Variants in IZUMO1R observed in about 807,000 individuals in gnomAD.
The protein encoded by IZUMO1R is sperm-egg fusion protein Juno.
Under a neutral mutation model 22.1 loss-of-function variants are expected in IZUMO1R, and 24 were observed. The ratio of observed to expected loss-of-function variants is 1.09; its 90% CI spans 0.79 to 1.53. The LOEUF (loss-of-function observed/expected upper bound fraction) is 1.53, where lower values mean the gene tolerates loss of function less well. Ranked by LOEUF, IZUMO1R falls within the 40% of genes most tolerant of loss-of-function variation. The pLI is 0.00. For missense variants in IZUMO1R, 308 were observed against 314.9 expected (o/e 0.98, Z 0.17); for synonymous variants, 133 against 121.2 (o/e 1.10, Z -0.64).
In IZUMO1R at chr11:94,305,729, A is replaced by T. The variant is rs1555090601; in HGVS notation, c.93A>T (p.Lys31Asn). ...DELLNICMNA[K>N]HHKRVPSPED... ...TGCTCAACATCTGCATGAATGCCAA[A>T]CACCACAAGAGAGTGCCCAGCCCAG... Residue 31 changes from lysine to asparagine, a missense_variant, in exon 2 of 5, where the codon AAA (lysine) becomes AAT (asparagine). By Grantham distance (94) the Lys-to-Asn change is moderately conservative (BLOSUM62 0). Coordinates refer to ENST00000687084, the MANE Select transcript of IZUMO1R (RefSeq NM_001199206.4). 1 of 1,613,380 alleles carries T rather than the reference A, an allele frequency of 6.2e-7. No individual in the cohort carries two copies. Among genetic ancestry groups the T allele is most frequent in the Admixed American group, 1.7e-5 (1 of 59,944 alleles).
chr11:94,307,816 C>A lies in IZUMO1R; in HGVS notation c.*124C>A. The A allele has an allele frequency of 2.4e-6, 1 of 424,462 alleles. No homozygotes were observed. Among genetic ancestry groups the A allele is most frequent in the East Asian group, 4.3e-5 (1 of 23,332 alleles). 26.3% of individuals were successfully genotyped at this position (424,462 alleles called of 1,614,324 possible). A position where few individuals can be genotyped will look rare whatever the true frequency, so the allele number is the denominator to read the frequency against. On this transcript the variant is annotated 3_prime_UTR_variant, in exon 5 of 5. Transcript: ENST00000687084. ...GTGGCATGGGCTAGGGACTGCAGTC[C>A]CACCCAGTCTAGCCCATGCCACTGC...
At position 94,306,527 on chromosome 11, in the gene IZUMO1R, G is replaced by A. The variant is rs1336597556; in HGVS notation, c.153G>A (p.Lys51=). The A allele has an allele frequency of 1.9e-6, 3 of 1,613,864 alleles. No homozygotes were observed. Among genetic ancestry groups the A allele is most frequent in the Middle Eastern group, 1.6e-4 (1 of 6,062 alleles). Residue 51 remains lysine, a synonymous_variant, in exon 3 of 5, where the codon AAG becomes AAA. Transcript: ENST00000687084. ...DKLYEECIPW[K]DNACCTLTTS... is the part of the protein sequence containing the mutation. ...TCTGCCTTCAGTGCATCCCCTGGAAGGACAATGCCTGCTGCACCCTCACGA... is the reference window on the plus strand; with the variant it reads ...TCTGCCTTCAGTGCATCCCCTGGAAAGACAATGCCTGCTGCACCCTCACGA...
At position 94,307,307 on chromosome 11, in the gene IZUMO1R, G is replaced by A. The variant is rs932842660; in HGVS notation, c.484+7G>A. On this transcript the variant is annotated splice_region_variant and intron_variant, in intron 4 of 4. Transcript: ENST00000687084. Reference sequence around the variant, plus strand: ...GGCTGGGACTGGAGTCAGGGTGAGTGGTGCTGACAAGGCCTTGGTCGGGAA... The same window carrying A: ...GGCTGGGACTGGAGTCAGGGTGAGTAGTGCTGACAAGGCCTTGGTCGGGAA... 6.2e-6 allele frequency: 10 copies of A among 1,613,040 alleles called. No homozygotes were observed. The highest frequency in any genetic ancestry group is 1.1e-5 in the South Asian group (1 of 90,838).
chr11:94,307,810 G>C lies in IZUMO1R; in HGVS notation c.*118G>C. ...AAAGCAGTGGCATGGGCTAGGGACT[G>C]CAGTCCCACCCAGTCTAGCCCATGC... On this transcript the variant is annotated 3_prime_UTR_variant, in exon 5 of 5. Transcript: ENST00000687084. 3.4e-6 allele frequency: 2 copies of C among 592,158 alleles called. No individual in the cohort carries two copies. Among genetic ancestry groups the C allele is most frequent in the South Asian group, 3.7e-5 (2 of 54,200 alleles). The allele number at this position is 592,158 out of a possible 1,614,324, so 36.7% of individuals were successfully genotyped here. A position where few individuals can be genotyped will look rare whatever the true frequency, so the allele number is the denominator to read the frequency against.
chr11:94,306,541 G>T lies in IZUMO1R; in HGVS notation c.167G>T (p.Cys56Phe). The T allele has an allele frequency of 6.2e-7, 1 of 1,613,910 alleles. No individual in the cohort carries two copies. Among genetic ancestry groups the T allele is most frequent in the Non-Finnish European group, 8.5e-7 (1 of 1,179,866 alleles). ...ECIPWKDNAC[C>F]TLTTSWEAHL... ...ATCCCCTGGAAGGACAATGCCTGCT[G>T]CACCCTCACGACAAGCTGGGAAGCC... is the stretch of plus-strand genomic sequence containing the variant. The change falls in exon 3 of 5, where the codon TGC becomes TTC. Residue 56 changes from cysteine to phenylalanine, a missense_variant. By Grantham distance (205) the Cys-to-Phe change is radical. Coordinates refer to ENST00000687084, the MANE Select transcript of IZUMO1R (RefSeq NM_001199206.4).
At chr11:94,305,094 G>A (rs1944001454) in intron 1 of IZUMO1R, among the ~76,000 whole-genome samples, 1 of 152,112 alleles carries the variant, frequency 6.6e-6, no homozygotes, top group Non-Finnish European at 1.5e-5. Context: ...GGGTAGGCTA[G>A]AAGTTTCCAG....
rs911481657 is a variant in IZUMO1R at position 94,307,847 on chromosome 11, G to A, written c.*155G>A. The A allele has an allele frequency of 6.2e-5, 13 of 211,280 alleles. No homozygotes were observed. The highest frequency in any genetic ancestry group is 4.8e-4 in the Admixed American group (8 of 16,834). 13.1% of individuals were successfully genotyped at this position (211,280 alleles called of 1,614,324 possible). A position where few individuals can be genotyped will look rare whatever the true frequency, so the allele number is the denominator to read the frequency against. On this transcript the variant is annotated 3_prime_UTR_variant, in exon 5 of 5. Coordinates refer to ENST00000687084, the MANE Select transcript of IZUMO1R (RefSeq NM_001199206.4). The stretch of plus-strand genomic sequence containing the variant: ...AGTCTAGCCCATGCCACTGCTTTTA[G>A]GGGAGGGCCTGAGGAAGGAAGTGCC...
In IZUMO1R at chr11:94,307,822, A is replaced by C. The variant is rs1293758131; in HGVS notation, c.*130A>C. ...TGGGCTAGGGACTGCAGTCCCACCC[A>C]GTCTAGCCCATGCCACTGCTTTTAG... On this transcript the variant is annotated 3_prime_UTR_variant, in exon 5 of 5. Transcript: ENST00000687084. 2.3e-5 allele frequency: 4 copies of C among 172,880 alleles called. No homozygotes were observed. The highest frequency in any genetic ancestry group is 2.1e-4 in the African/African-American group (1 of 4,750). The allele number at this position is 172,880 out of a possible 1,614,324, so 10.7% of individuals were successfully genotyped here. A position where few individuals can be genotyped will look rare whatever the true frequency, so the allele number is the denominator to read the frequency against.
At position 94,305,819 on chromosome 11, in the gene IZUMO1R, G is replaced by A. The variant is rs777693555; in HGVS notation, c.138+45G>A. 3.1e-6 allele frequency: 5 copies of A among 1,601,530 alleles called. No individual in the cohort carries two copies. The South Asian group carries it at 5.6e-5, about 18-fold the overall frequency. The stretch of plus-strand genomic sequence containing the variant: ...GTATGGGATGGGGAAGATCAGGGAA[G>A]GGACACAAATGCCAAGATGGTCTCC... On this transcript the variant is annotated intron_variant, in intron 2 of 4. Transcript: ENST00000687084.
chr11:94,306,757 T>C (rs1944025700), intron 3 of IZUMO1R, 35 bp downstream of exon 3: 10 of 1,595,152 alleles, frequency 6.3e-6, no homozygotes, highest in Non-Finnish European at 8.6e-6. Context: ...CCTGTTATTA[T>C]ATTAACAGCC....
chr11:94,306,751 TTATTA>T (rs1318386784), intron 3 of IZUMO1R, 29 bp downstream of exon 3: 2 of 1,601,826 alleles, frequency 1.2e-6, no homozygotes, highest in South Asian at 1.1e-5. Flanking sequence ...CCATGCCCTG[TTATTA>T]TATTAACAGC....
In IZUMO1R at chr11:94,307,206, G is replaced by A. The variant is rs201258390; in HGVS notation, c.390G>A (p.Pro130=). 649 of 1,603,814 alleles carry A rather than the reference G, an allele frequency of 4.0e-4. 1 individual carries two copies. The highest frequency in any genetic ancestry group is 5.1e-4 in the Non-Finnish European group (601 of 1,175,312). ...AGGGAGAGCGAGTTGTGAATGTGCC[G>A]CTGTGCCAGGAGGACTGTGAGGAGT... ...SGQGERVVNV[P]LCQEDCEEWW... Residue 130 remains proline (P), a synonymous_variant, in exon 4 of 5, where the codon CCG becomes CCA. Transcript: ENST00000687084.
chr11:94,306,487 C>T, intron 2 of IZUMO1R, 26 bp from the exon 3 acceptor site: 1 of 1,608,040 alleles, frequency 6.2e-7, no homozygotes, highest in South Asian at 1.1e-5. Flanking sequence ...TTTGCCTGGG[C>T]CTTTTGTTTC....
At position 94,307,084 on chromosome 11, in the gene IZUMO1R, G is replaced by C. The variant is rs1311058851; in HGVS notation, c.349-81G>C. On this transcript the variant is annotated intron_variant, in intron 3 of 4. Transcript: ENST00000687084. ...GGAAGATGATGTACATATGGTACCTGGTACAAATACCACTGTAGCTATTAG... is the reference window on the plus strand; with the variant it reads ...GGAAGATGATGTACATATGGTACCTCGTACAAATACCACTGTAGCTATTAG... 3 of 1,459,100 alleles carry C rather than the reference G, an allele frequency of 2.1e-6. No individual in the cohort carries two copies. In the African/African-American group the frequency reaches 4.2e-5, roughly 20 times the overall value. The allele number at this position is 1,459,100 out of a possible 1,614,324, so 90.4% of individuals were successfully genotyped here. A position where few individuals can be genotyped will look rare whatever the true frequency, so the allele number is the denominator to read the frequency against.
At chr11:94,305,181 A>T (rs1044649025) in intron 1 of IZUMO1R, among the ~76,000 whole-genome samples, 7 of 152,128 alleles carry the variant, frequency 4.6e-5, no homozygotes, top group African/African-American at 1.7e-4. Context: ...TGGGCTATGA[A>T]GGTGAGGGGC....
chr11:94,306,701 A>T lies in IZUMO1R; in HGVS notation c.327A>T (p.Pro109=). The change falls in exon 3 of 5, where the codon CCA becomes CCT. Residue 109 remains proline (P), a synonymous_variant. Coordinates refer to ENST00000687084, the MANE Select transcript of IZUMO1R (RefSeq NM_001199206.4). ...CAAACCTGGGGCCCTGGATCCAGCC[A>T]GTGGGAAGCCTGGGGTGGGAGGTAG... ...CSPNLGPWIQ[P]VGSLGWEVAP... 1 of 1,613,974 alleles carries T rather than the reference A, an allele frequency of 6.2e-7. No individual in the cohort carries two copies. The highest frequency in any genetic ancestry group is 8.5e-7 in the Non-Finnish European group (1 of 1,179,872).
At position 94,307,288 on chromosome 11, in the gene IZUMO1R, G is replaced by A. The variant is rs1370415686; in HGVS notation, c.472G>A (p.Asp158Asn). The A allele has an allele frequency of 6.2e-7, 1 of 1,612,926 alleles. No homozygotes were observed. The highest frequency in any genetic ancestry group is 1.7e-5 in the Admixed American group (1 of 59,830). The change falls in exon 4 of 5, where the codon GAC becomes AAC. Residue 158 changes from aspartate (D) to asparagine (N), a missense_variant. Coordinates refer to ENST00000687084, the MANE Select transcript of IZUMO1R (RefSeq NM_001199206.4). ...TCKSNWRGGW[D>N]WSQGKNRCPK... The stretch of plus-strand genomic sequence containing the variant: ...CAAATCCAACTGGCGTGGTGGCTGG[G>A]ACTGGAGTCAGGGTGAGTGGTGCTG...
chr11:94,305,026 G>T (rs1273251933), intron 1 of IZUMO1R, among the ~76,000 whole-genome samples, 147 bp downstream of exon 1: 1 of 152,152 alleles, frequency 6.6e-6, no homozygotes, highest in Non-Finnish European at 1.5e-5. Flanking sequence ...CTTGAGGTTG[G>T]GCTCTGAAGA....
At position 94,307,752 on chromosome 11, in the gene IZUMO1R, C is replaced by G; in HGVS notation, c.*60C>G. 1 of 1,573,120 alleles carries G rather than the reference C, an allele frequency of 6.4e-7. No homozygotes were observed. Among genetic ancestry groups the G allele is most frequent in the Non-Finnish European group, 8.7e-7 (1 of 1,152,300 alleles). The stretch of plus-strand genomic sequence containing the variant: ...CCACCAACTGTGGGTCAGGCCAGGC[C>G]ATGGCCTACCTCCTTCCTCAGGCCC... On this transcript the variant is annotated 3_prime_UTR_variant, in exon 5 of 5. Transcript: ENST00000687084.
Sources: allele counts gnomAD v4.1 joint callset (sites outside exome capture counted in the v4.1 genomes callset), GRCh38; gene constraint gnomAD v4.1.1; transcripts MANE v1.5; gene names NCBI Gene and HGNC (gene_info 2026-07-23, HGNC 2026-07-21).